Variants in ANKH observed in about 807,000 individuals in gnomAD.
ANKH encodes the protein ANKH inorganic pyrophosphate transport regulator, also known as mineralization regulator ANKH.
In ANKH, 15 loss-of-function variants were observed where a neutral mutation model predicts 49.0. The ratio of observed to expected loss-of-function variants is 0.31; its 90% CI spans 0.20 to 0.47. ANKH has a LOEUF of 0.47. ANKH is among the 20% of genes least tolerant of loss of function. ANKH has a pLI of 1.00. For missense variants in ANKH, 429 were observed against 652.0 expected (o/e 0.66, Z 3.72); for synonymous variants, 273 against 260.0 (o/e 1.05, Z -0.48).
chr5:14,726,975 C>T (rs568156053), intron 8 of ANKH, among the ~76,000 whole-genome samples: 125 of 152,262 alleles, frequency 8.2e-4, no homozygotes, highest in African/African-American at 2.8e-3. Flanking sequence ...CTTCCACATC[C>T]GCGTCTTGCT....
intron 8 of ANKH, among the ~76,000 whole-genome samples, chr5:14,726,107 T>G (rs1165591309): frequency 6.6e-6 from 1 of 152,152 alleles, no homozygotes; most frequent in East Asian, 1.9e-4. Flanking sequence ...GCCAGCGTCT[T>G]GGGAAACCAT....
At chr5:14,828,969 G>A (rs1741426240) in intron 1 of ANKH, among the ~76,000 whole-genome samples, 1 of 152,064 alleles carries the variant, frequency 6.6e-6, no homozygotes, top group Non-Finnish European at 1.5e-5. Flanking sequence ...GGCAGATCAC[G>A]AGGTCAGCAG....
At chr5:14,819,976 T>C (rs548304529) in intron 1 of ANKH, among the ~76,000 whole-genome samples, 3 of 152,076 alleles carry the variant, frequency 2.0e-5, no homozygotes, top group Admixed American at 6.6e-5. Flanking sequence ...CAACTCATTA[T>C]ATAACGCCAA....
chr5:14,783,116 T>TCAA (rs1338690150), intron 1 of ANKH, among the ~76,000 whole-genome samples: 3 of 152,300 alleles, frequency 2.0e-5, no homozygotes, highest in Admixed American at 6.5e-5. Flanking sequence ...TCTGGGGCAC[T>TCAA]TGATCTCGTT....
At chr5:14,857,297 A>G (rs1735305917) in intron 1 of ANKH, among the ~76,000 whole-genome samples, 1 of 152,212 alleles carries the variant, frequency 6.6e-6, no homozygotes, top group Non-Finnish European at 1.5e-5. Context: ...CATGCAGTAT[A>G]TATTTGGTCC....
intron 2 of ANKH, among the ~76,000 whole-genome samples, chr5:14,759,819 AAAAGGAAAGG>A (rs1198194528): frequency 2.3e-5 from 3 of 132,720 alleles, no homozygotes; most frequent in Non-Finnish European, 4.8e-5. Flanking sequence ...GGGAGGGAAA[AAAAGGAAAGG>A]AAAGGGAAGG....
At position 14,707,537 on chromosome 5, in the gene ANKH, G is replaced by T. The variant is rs962029075; in HGVS notation, c.*3660C>A. On this transcript the variant is annotated 3_prime_UTR_variant, in exon 12 of 12. Transcript: ENST00000284268. Reference sequence around the variant, plus strand: ...ACCAGGAGAGAGATCCAGAGGGCTGGGAGTGAGCACTCCTGAGCTGGCCCC... The same window carrying T: ...ACCAGGAGAGAGATCCAGAGGGCTGTGAGTGAGCACTCCTGAGCTGGCCCC... 1.3e-5 allele frequency: 2 copies of T among 152,146 alleles called. No individual in the cohort carries two copies. The highest frequency in any genetic ancestry group is 2.4e-5 in the African/African-American group (1 of 41,418). 9.4% of individuals were successfully genotyped at this position (152,146 alleles called of 1,614,324 possible).
chr5:14,858,283 C>T (rs1350389961), intron 1 of ANKH, among the ~76,000 whole-genome samples: 1 of 152,140 alleles, frequency 6.6e-6, no homozygotes, highest in Non-Finnish European at 1.5e-5. Flanking sequence ...CCCCAGAGCC[C>T]CCAAAGTCCT....
At chr5:14,867,474 G>A (rs539828528) in intron 1 of ANKH, among the ~76,000 whole-genome samples, 45 of 152,144 alleles carry the variant, frequency 3.0e-4, no homozygotes, top group Admixed American at 2.6e-3. Context: ...GATATACAAT[G>A]ATTGTAAAGT....
At chr5:14,851,994 A>C (rs145343397) in intron 1 of ANKH, among the ~76,000 whole-genome samples, 3 of 152,332 alleles carry the variant, frequency 2.0e-5, no homozygotes, top group African/African-American at 7.2e-5. Flanking sequence ...TAAAAATAGA[A>C]TTTGGGGCTG....
chr5:14,778,933 C>A lies in ANKH; in HGVS notation c.97-9742G>T, dbSNP rs185983487. 1.5e-4 allele frequency among the ~76,000 whole-genome samples: 23 copies of A among 152,302 alleles called. 1 individual carries two copies. The highest frequency in any genetic ancestry group is 1.0e-3 in the Admixed American group (16 of 15,306). ...CTGCATGCTGTCAGCTGCCCAGTTACCCCTCTAGTCTTTCCCATTCCCTGC... is the reference window on the plus strand; with the variant it reads ...CTGCATGCTGTCAGCTGCCCAGTTAACCCTCTAGTCTTTCCCATTCCCTGC... On this transcript the variant is annotated intron_variant, in intron 1 of 11. Transcript: ENST00000284268.
chr5:14,764,922 C>A (rs1166028182), intron 2 of ANKH, among the ~76,000 whole-genome samples: 1 of 152,282 alleles, frequency 6.6e-6, no homozygotes, highest in African/African-American at 2.4e-5. Context: ...CAAGAATAAA[C>A]GTGTAAAGAA....
rs185451916 is a variant in ANKH, at chr5:14,718,890, T to G, written c.1012-2055A>C. The stretch of plus-strand genomic sequence containing the variant: ...AAAAGCAGAAAGGAAAATTCACAAG[T>G]TAGCAGTAAGATAAGTTTAGGGAAG... On this transcript the variant is annotated intron_variant, in intron 8 of 11. Coordinates refer to ENST00000284268, the MANE Select transcript of ANKH (RefSeq NM_054027.6). Among the ~76,000 whole-genome samples the G allele has an allele frequency of 4.8e-3, 680 of 140,966 alleles. 4 individuals carry two copies. The highest frequency in any genetic ancestry group is 0.017 in the African/African-American group (643 of 38,452). The allele number at this position is 140,966 out of a possible 152,430, so 92.5% of individuals were successfully genotyped here. A position where few individuals can be genotyped will look rare whatever the true frequency, so the allele number is the denominator to read the frequency against.
At chr5:14,711,358 G>A (rs372712372) in intron 11 of ANKH, 48 bp from the exon 12 acceptor site, 1 of 1,511,576 alleles carries the variant, frequency 6.6e-7, no homozygotes, top group Non-Finnish European at 9.2e-7. Context: ...TGGGGACACT[G>A]CACAGCAGAA....
intron 1 of ANKH, among the ~76,000 whole-genome samples, chr5:14,800,727 CTTTT>C (rs901835855): frequency 3.0e-5 from 4 of 135,278 alleles, no homozygotes; most frequent in Non-Finnish European, 3.2e-5. Flanking sequence ...CATTTTTTTT[CTTTT>C]TTTTTTTTTT....
rs536131505 is a variant in ANKH, at chr5:14,745,936, G to A, written c.849C>T (p.Tyr283=). 4 of 1,614,202 alleles carry A rather than the reference G, an allele frequency of 2.5e-6. No homozygotes were observed. In the South Asian group the frequency reaches 4.4e-5, roughly 18 times the overall value. The part of the protein sequence containing the change: ...TEAVAILTAT[Y]PVGHMPYGWL... ...AGCCGTATGGCATGTGACCCACAGG[G>A]TATGTGGCTGTCAAAATCGCCACTG... The change falls in exon 7 of 12, where the codon TAC becomes TAT. Residue 283 remains tyrosine, a synonymous_variant. Transcript: ENST00000284268. The surrounding 1 kb of genome is among the most constrained non-coding windows in gnomAD (Gnocchi z 4.7).
chr5:14,762,216 T>C, intron 2 of ANKH, among the ~76,000 whole-genome samples: 1 of 152,232 alleles, frequency 6.6e-6, no homozygotes, highest in East Asian at 1.9e-4. Flanking sequence ...TAGCTACTTA[T>C]TTCAATAGTT....
chr5:14,721,929 C>CCAAA (rs564649239), intron 8 of ANKH, among the ~76,000 whole-genome samples: 19 of 59,472 alleles, frequency 3.2e-4, no homozygotes, highest in East Asian at 1.1e-3. Flanking sequence ...GACTCCGTCT[C>CCAAA]AAAAAAAAAA....
intron 1 of ANKH, among the ~76,000 whole-genome samples, chr5:14,794,982 G>A (rs1296403932): frequency 2.6e-5 from 4 of 152,220 alleles, no homozygotes; most frequent in Non-Finnish European, 5.9e-5. Context: ...GGAGGAGGTG[G>A]TACACAGAAA....
Sources: gnomAD v4.1 joint callset for allele counts (sites outside exome capture counted in the v4.1 genomes callset) on GRCh38, gnomAD v4.1.1 for gene constraint, Gnocchi (gnomAD v3.1) non-coding constraint, MANE v1.5 for transcripts, NCBI Gene and HGNC (gene_info 2026-07-23, HGNC 2026-07-21) for gene names.